ARHGAP15: variants seen among roughly 807,000 people sequenced by gnomAD.
ARHGAP15 encodes rho GTPase-activating protein 15.
ARHGAP15 carries 51 observed loss-of-function variants against 63.7 expected under a neutral mutation model. The observed-to-expected ratio is 0.80, with a 90% CI of 0.64 to 1.01. The LOEUF (loss-of-function observed/expected upper bound fraction) is 1.01, where lower values mean the gene tolerates loss of function less well. ARHGAP15 is among the 50% of genes least tolerant of loss of function. The probability of loss-of-function intolerance (pLI) is 0.00; values close to 1 mark genes in which losing one functional copy is unlikely to be tolerated. For missense variants in ARHGAP15, 560 were observed against 564.6 expected (o/e 0.99, Z 0.08); for synonymous variants, 191 against 193.8 (o/e 0.99, Z 0.12).
intron 6 of ARHGAP15, among the ~76,000 whole-genome samples, chr2:143,427,640 G>T (rs1689191480): frequency 6.6e-6 from 1 of 151,888 alleles, no homozygotes; most frequent in South Asian, 2.1e-4. Flanking sequence ...GATATGCATT[G>T]AAATATGACT....
In ARHGAP15 at chr2:143,435,441, CA is replaced by C. The variant is rs960819215; in HGVS notation, c.475-156del. On this transcript the variant is annotated intron_variant, in intron 6 of 13. Transcript: ENST00000295095. The stretch of plus-strand genomic sequence containing the variant: ...GAAAAACAGTTTATAGAGAGCGGTT[CA>C]AAATGCTCCCAGTTCCCAGAAAGAC... The C allele has an allele frequency of 1.5e-5, 18 of 1,240,996 alleles. No homozygotes were observed. The African/African-American group carries it at 2.5e-4, about 17-fold the overall frequency. The allele number at this position is 1,240,996 out of a possible 1,614,324, so 76.9% of individuals were successfully genotyped here.
At chr2:143,374,254 A>G (rs547620702) in intron 6 of ARHGAP15, among the ~76,000 whole-genome samples, 6 of 152,176 alleles carry the variant, frequency 3.9e-5, no homozygotes, top group African/African-American at 1.4e-4. Flanking sequence ...ATAGAATATT[A>G]TAGGTGGATT....
chr2:143,735,534 T>C (rs1243145473), intron 13 of ARHGAP15, among the ~76,000 whole-genome samples: 1 of 152,186 alleles, frequency 6.6e-6, no homozygotes, highest in East Asian at 1.9e-4. Context: ...AGCTTCTCTC[T>C]CACTGTGTGA....
At chr2:143,530,328 G>T (rs1694465914) in intron 10 of ARHGAP15, among the ~76,000 whole-genome samples, 1 of 152,032 alleles carries the variant, frequency 6.6e-6, no homozygotes, top group East Asian at 1.9e-4. Flanking sequence ...TCTTGAATAG[G>T]ATAGGACGGA....
At chr2:143,532,428 C>G (rs1373436584) in intron 10 of ARHGAP15, among the ~76,000 whole-genome samples, 65 of 152,106 alleles carry the variant, frequency 4.3e-4, no homozygotes, top group Non-Finnish European at 5.9e-5. Flanking sequence ...TATGTATGTC[C>G]ATGTTTTCCA....
At chr2:143,594,751 C>T (rs1448389979) in intron 11 of ARHGAP15, among the ~76,000 whole-genome samples, 5 of 152,136 alleles carry the variant, frequency 3.3e-5, no homozygotes, top group African/African-American at 9.7e-5. Flanking sequence ...ATATTTACCT[C>T]TCAAAGAAAA....
intron 10 of ARHGAP15, among the ~76,000 whole-genome samples, chr2:143,548,116 A>G (rs1695408013): frequency 6.6e-6 from 1 of 152,176 alleles, no homozygotes; most frequent in Non-Finnish European, 1.5e-5. Context: ...AGGTTTGTTA[A>G]GAGCTCAGGA....
intron 5 of ARHGAP15, chr2:143,237,339 C>G (rs1411470230): frequency 2.6e-5 from 4 of 152,136 alleles, no homozygotes; most frequent in African/African-American, 9.7e-5. Flanking sequence ...GGCTGTGTGT[C>G]ATCATTTTGG....
At chr2:143,226,493 C>A (rs1693218842) in intron 4 of ARHGAP15, among the ~76,000 whole-genome samples, 1 of 152,162 alleles carries the variant, frequency 6.6e-6, no homozygotes, top group Admixed American at 6.5e-5. Context: ...AAAAGATGCC[C>A]AGACTAGACT....
At chr2:143,398,221 T>G (rs1162518226) in intron 6 of ARHGAP15, among the ~76,000 whole-genome samples, 1 of 152,122 alleles carries the variant, frequency 6.6e-6, no homozygotes, top group African/African-American at 2.4e-5. Flanking sequence ...AAAGTTAATG[T>G]ACCACCTCAG....
intron 13 of ARHGAP15, among the ~76,000 whole-genome samples, chr2:143,711,090 T>G (rs1396413079): frequency 1.3e-5 from 2 of 152,176 alleles, no homozygotes; most frequent in Non-Finnish European, 2.9e-5. Flanking sequence ...CATCTATTTG[T>G]TTATGTTTTG....
At chr2:143,482,099 A>G (rs1692104329) in intron 8 of ARHGAP15, among the ~76,000 whole-genome samples, 1 of 152,204 alleles carries the variant, frequency 6.6e-6, no homozygotes, top group Non-Finnish European at 1.5e-5. Context: ...CTGGAAAGCT[A>G]GTACATTTCA....
chr2:143,525,631 G>GT (rs1559028040), intron 10 of ARHGAP15, among the ~76,000 whole-genome samples: 1 of 152,058 alleles, frequency 6.6e-6, no homozygotes, highest in South Asian at 2.1e-4. Flanking sequence ...GTTTTGTTCT[G>GT]TTTTGTTTTA....
At chr2:143,174,372 T>G (rs187808572) in intron 2 of ARHGAP15, among the ~76,000 whole-genome samples, 177 of 152,244 alleles carry the variant, frequency 1.2e-3, no homozygotes, top group African/African-American at 3.9e-3. Flanking sequence ...TCACCACCTT[T>G]GAGAGCACTG....
intron 12 of ARHGAP15, among the ~76,000 whole-genome samples, chr2:143,638,610 C>A (rs1251989068): frequency 4.7e-5 from 7 of 148,004 alleles, no homozygotes; most frequent in African/African-American, 1.7e-4. Flanking sequence ...ATGTAACTAA[C>A]CTGCACAATG....
intron 2 of ARHGAP15, among the ~76,000 whole-genome samples, chr2:143,164,755 T>C (rs1200683938): frequency 6.6e-6 from 1 of 151,984 alleles, no homozygotes; most frequent in Non-Finnish European, 1.5e-5. Context: ...TGCATGCTTT[T>C]TTTTTTCTGG....
intron 6 of ARHGAP15, among the ~76,000 whole-genome samples, chr2:143,278,976 C>T (rs977457395): frequency 1.3e-5 from 2 of 151,486 alleles, no homozygotes; most frequent in Admixed American, 6.6e-5. Context: ...ATTTAGAGGC[C>T]ACTTATTTAA....
chr2:143,390,999 CAG>C (rs1169263598), intron 6 of ARHGAP15, among the ~76,000 whole-genome samples: 2 of 152,160 alleles, frequency 1.3e-5, no homozygotes, highest in African/African-American at 2.4e-5. Context: ...AACACCAGCA[CAG>C]AGTTACCTGG....
chr2:143,406,523 C>A (rs1377242726), intron 6 of ARHGAP15, among the ~76,000 whole-genome samples: 1 of 151,690 alleles, frequency 6.6e-6, no homozygotes, highest in African/African-American at 2.4e-5. Context: ...TCTTTAAATC[C>A]CCATGTTCCT....
Sources: gnomAD v4.1 joint callset for allele counts (sites outside exome capture counted in the v4.1 genomes callset) on GRCh38, gnomAD v4.1.1 for gene constraint, MANE v1.5 for transcripts, NCBI Gene and HGNC (gene_info 2026-07-23, HGNC 2026-07-21) for gene names.